RNF8: variants seen among roughly 807,000 people sequenced by gnomAD.
RNF8 encodes E3 ubiquitin-protein ligase RNF8.
In RNF8, 8 loss-of-function variants were observed where a neutral mutation model predicts 59.3. The ratio of observed to expected loss-of-function variants is 0.13; its 90% CI spans 0.08 to 0.24. The LOEUF (loss-of-function observed/expected upper bound fraction) is 0.24. Ranked by LOEUF, RNF8 falls within the 10% of genes least tolerant of loss-of-function variation. The pLI, the probability that RNF8 is intolerant of heterozygous loss-of-function variation, is 1.00. For missense variants in RNF8, 406 were observed against 572.6 expected, an observed-to-expected ratio of 0.71 and a Z score of 2.97; for synonymous variants, 162 against 200.0, an observed-to-expected ratio of 0.81 and a Z score of 1.60.
rs1335485731 is a variant in RNF8 at position 37,360,648 on chromosome 6, T to C, written c.240+74T>C. On this transcript the variant is annotated intron_variant, in intron 2 of 7. Transcript: ENST00000373479. This position sits in a 1 kb window ranked among gnomAD's most constrained non-coding sequence, Gnocchi z 4.2. The stretch of plus-strand genomic sequence containing the variant: ...CTTTTTTTTTTTTTTGCATAGGTAA[T>C]TCATGGTATAAAATTCAAAAGTATA... The C allele has an allele frequency of 1.4e-6, 2 of 1,421,380 alleles. No homozygotes were observed. Among genetic ancestry groups the C allele is most frequent in the Non-Finnish European group, 1.9e-6 (2 of 1,051,564 alleles). The allele number at this position is 1,421,380 out of a possible 1,614,324, so 88.0% of individuals were successfully genotyped here.
chr6:37,382,559 G>A (rs1770316467), intron 7 of RNF8, among the ~76,000 whole-genome samples: 1 of 152,148 alleles, frequency 6.6e-6, no homozygotes, highest in African/African-American at 2.4e-5. Context: ...ATTTGGCCAA[G>A]ATCAGCTGAG....
chr6:37,374,588 A>G (rs1436320504), intron 4 of RNF8, 32 bp from the exon 5 acceptor site: 4 of 1,539,794 alleles, frequency 2.6e-6, no homozygotes, highest in Admixed American at 3.4e-5. Context: ...ATTGTAGTTC[A>G]TCCTGAGTAT....
rs776628704 is a variant in RNF8 at position 37,377,024 on chromosome 6, C to T, written c.1227C>T (p.Tyr409=). Residue 409 remains tyrosine, a synonymous_variant, in exon 6 of 8, where the codon TAC becomes TAT. Coordinates refer to ENST00000373479, the MANE Select transcript of RNF8 (RefSeq NM_003958.4). ...NELQCIICSE[Y]FIEAVTLNCA... is the part of the protein sequence containing the mutation. ...TCCAATGTATTATTTGTTCAGAATA[C>T]TTCATTGAGGTAATTATGAACAGTT... 1.1e-5 allele frequency: 11 copies of T among 960,654 alleles called. No homozygotes were observed. The highest frequency in any genetic ancestry group is 3.1e-5 in the East Asian group (1 of 32,702). The allele number at this position is 960,654 out of a possible 1,614,324, so 59.5% of individuals were successfully genotyped here. A position where few individuals can be genotyped will look rare whatever the true frequency, so the allele number is the denominator to read the frequency against.
intron 4 of RNF8, among the ~76,000 whole-genome samples, chr6:37,372,991 G>T (rs1769872669): frequency 6.6e-6 from 1 of 152,138 alleles, no homozygotes; most frequent in Non-Finnish European, 1.5e-5. Context: ...TTAGGTCATG[G>T]TTCTATACCA....
chr6:37,362,969 A>G (rs1026169414), intron 2 of RNF8, among the ~76,000 whole-genome samples: 8 of 152,186 alleles, frequency 5.3e-5, no homozygotes, highest in Non-Finnish European at 1.2e-4. Flanking sequence ...AGCTTTTCAG[A>G]TGGCCCGTCC....
At chr6:37,354,415 G>C (rs1769031904) in intron 1 of RNF8, 140 bp downstream of exon 1, 6 of 695,496 alleles carry the variant, frequency 8.6e-6, no homozygotes, top group African/African-American at 1.8e-5. Flanking sequence ...AGTGTCTGTG[G>C]GGGGGGTGGA....
intron 7 of RNF8, among the ~76,000 whole-genome samples, chr6:37,385,855 ATTT>A (rs771282241): frequency 3.4e-5 from 4 of 117,178 alleles, no homozygotes; most frequent in African/African-American, 1.2e-4. Context: ...TTCCTTTGTC[ATTT>A]TTTTTTTTTT....
chr6:37,386,162 T>G (rs560218800), intron 7 of RNF8, among the ~76,000 whole-genome samples: 16 of 147,054 alleles, frequency 1.1e-4, no homozygotes, highest in African/African-American at 1.9e-4. Flanking sequence ...TCACTCTTAT[T>G]GGCACCTCAG....
Position 37,382,176 on chromosome 6 carries a change from C to T in RNF8, c.1441+822C>T, listed in dbSNP as rs530343668. On this transcript the variant is annotated intron_variant, in intron 7 of 7. Coordinates refer to ENST00000373479, the MANE Select transcript of RNF8 (RefSeq NM_003958.4). ...AGCCCTTACGGCACAAACAGTCTGG[C>T]GGAGGAGATAGAAAGGCAAGTAGAT... 8.3e-4 allele frequency among the ~76,000 whole-genome samples: 126 copies of T among 152,072 alleles called. 1 individual carries two copies. Among genetic ancestry groups the T allele is most frequent in the African/African-American group, 2.6e-3 (108 of 41,456 alleles).
intron 2 of RNF8, among the ~76,000 whole-genome samples, chr6:37,362,741 A>G (rs1306126331): frequency 6.6e-6 from 1 of 152,230 alleles, no homozygotes; most frequent in East Asian, 1.9e-4. Flanking sequence ...ATCTTTTTCA[A>G]GAGATAGGTG....
intron 1 of RNF8, among the ~76,000 whole-genome samples, chr6:37,354,508 G>A (rs935474524): frequency 1.3e-5 from 2 of 151,886 alleles, no homozygotes; most frequent in African/African-American, 4.8e-5. Context: ...GGAGAAATAG[G>A]GGCCGAGTGG....
At chr6:37,363,593 A>C (rs967044739) in intron 2 of RNF8, among the ~76,000 whole-genome samples, 2 of 152,238 alleles carry the variant, frequency 1.3e-5, no homozygotes, top group Non-Finnish European at 2.9e-5. Context: ...GAGTGGCTAA[A>C]ATTGAAGACT....
At chr6:37,355,923 C>A (rs891667819) in intron 1 of RNF8, among the ~76,000 whole-genome samples, 1 of 152,164 alleles carries the variant, frequency 6.6e-6, no homozygotes, top group African/African-American at 2.4e-5. Flanking sequence ...TAGTTAATTT[C>A]ACATACATTA....
intron 2 of RNF8, among the ~76,000 whole-genome samples, chr6:37,367,286 C>T (rs1204682156): frequency 6.6e-6 from 1 of 152,246 alleles, no homozygotes; most frequent in East Asian, 1.9e-4. Flanking sequence ...ACCTGGCCAA[C>T]ATCACCCAGC....
Position 37,354,279 on chromosome 6 carries a change from C to CG in RNF8, c.111+9dup. On this transcript the variant is annotated splice_donor_region_variant and intron_variant, in intron 1 of 7. Coordinates refer to ENST00000373479, the MANE Select transcript of RNF8 (RefSeq NM_003958.4). ...GCTGCTGGAAGATGGGTGCGAGGTA[C>CG]GGGGGAAGGGGTCCTGTGGAGCGGA... The CG allele has an allele frequency of 6.4e-7, 1 of 1,554,098 alleles. No individual in the cohort carries two copies. The highest frequency in any genetic ancestry group is 8.7e-7 in the Non-Finnish European group (1 of 1,154,336).
intron 6 of RNF8, among the ~76,000 whole-genome samples, chr6:37,379,550 A>G (rs1770167276): frequency 6.6e-6 from 1 of 152,222 alleles, no homozygotes; most frequent in Non-Finnish European, 1.5e-5. Flanking sequence ...CTTCTGAGTG[A>G]AAAGGGCTCA....
intron 2 of RNF8, among the ~76,000 whole-genome samples, chr6:37,367,530 A>G (rs548596218): frequency 4.6e-5 from 7 of 152,188 alleles, no homozygotes; most frequent in African/African-American, 1.7e-4. Context: ...TGGCCTCCCA[A>G]GTAGCTGGGA....
chr6:37,389,621 G>C (rs754633917), intron 7 of RNF8, among the ~76,000 whole-genome samples: 5 of 152,078 alleles, frequency 3.3e-5, no homozygotes, highest in Non-Finnish European at 7.4e-5. Context: ...GGGGAAGACA[G>C]GGAGTACAGA....
intron 1 of RNF8, among the ~76,000 whole-genome samples, chr6:37,355,353 A>C (rs1769073798): frequency 6.6e-6 from 1 of 152,202 alleles, no homozygotes; most frequent in Admixed American, 6.5e-5. Flanking sequence ...ATGTGTGTTC[A>C]GGTAGATTTT....
Sources: allele counts gnomAD v4.1 joint callset (sites outside exome capture counted in the v4.1 genomes callset), GRCh38; gene constraint gnomAD v4.1.1; non-coding constraint Gnocchi (gnomAD v3.1); transcripts MANE v1.5; gene names NCBI Gene and HGNC (gene_info 2026-07-23, HGNC 2026-07-21).